Variants in LPP observed in about 807,000 individuals in gnomAD.
The protein encoded by LPP is lipoma-preferred partner.
LPP carries 38 observed loss-of-function variants against 60.4 expected under a neutral mutation model. The ratio of observed to expected loss-of-function variants is 0.63; its 90% CI spans 0.49 to 0.83. The LOEUF (loss-of-function observed/expected upper bound fraction) is 0.83, where lower values mean the gene tolerates loss of function less well. LPP is among the 40% of genes least tolerant of loss of function. The pLI is 0.00. For missense variants in LPP, 902 were observed against 783.6 expected (o/e 1.15, Z -1.80); for synonymous variants, 328 against 290.8 (o/e 1.13, Z -1.30).
At chr3:188,847,837 T>G (rs1372801058) in intron 9 of LPP, among the ~76,000 whole-genome samples, 3 of 152,204 alleles carry the variant, frequency 2.0e-5, no homozygotes, top group African/African-American at 7.2e-5. Flanking sequence ...TAATGTTATT[T>G]AATAGAATGC....
chr3:188,639,388 T>C (rs1194284639), intron 7 of LPP, among the ~76,000 whole-genome samples: 55 of 151,166 alleles, frequency 3.6e-4, no homozygotes, highest in Admixed American at 6.6e-4. Flanking sequence ...AAGACTTAAA[T>C]GTTAGACCTA....
At chr3:188,637,584 T>C (rs1275431194) in intron 7 of LPP, among the ~76,000 whole-genome samples, 1 of 151,292 alleles carries the variant, frequency 6.6e-6, no homozygotes, top group Non-Finnish European at 1.5e-5. Flanking sequence ...AGCTGGTTTT[T>C]TGAAAGGATC....
intron 5 of LPP, among the ~76,000 whole-genome samples, chr3:188,505,519 T>G (rs1381670114): frequency 6.6e-6 from 1 of 152,212 alleles, no homozygotes; most frequent in Non-Finnish European, 1.5e-5. Context: ...TTGACAAGTT[T>G]TGTTTCATTT....
At chr3:188,800,506 A>T (rs758780249) in intron 9 of LPP, among the ~76,000 whole-genome samples, 45 of 152,046 alleles carry the variant, frequency 3.0e-4, no homozygotes, top group Non-Finnish European at 5.6e-4. Flanking sequence ...TGGCCTCCCA[A>T]AGTGCTGGGA....
At chr3:188,512,906 G>A (rs1816229186) in intron 5 of LPP, among the ~76,000 whole-genome samples, 1 of 152,102 alleles carries the variant, frequency 6.6e-6, no homozygotes, top group Non-Finnish European at 1.5e-5. Flanking sequence ...CTTCCTTGAG[G>A]TTTTAAAAAA....
chr3:188,329,206 GAA>G (rs1309693302), intron 2 of LPP, among the ~76,000 whole-genome samples: 2 of 152,164 alleles, frequency 1.3e-5, no homozygotes, highest in Non-Finnish European at 2.9e-5. Flanking sequence ...GAGAGTGGTG[GAA>G]AGATGTGTCT....
chr3:188,392,520 T>A (rs1435997316), intron 3 of LPP, among the ~76,000 whole-genome samples: 1 of 152,192 alleles, frequency 6.6e-6, no homozygotes, highest in African/African-American at 2.4e-5. Context: ...GGTTTCTTTA[T>A]AACAAACTAA....
chr3:188,806,426 T>C (rs1278105339), intron 9 of LPP, among the ~76,000 whole-genome samples: 3 of 151,868 alleles, frequency 2.0e-5, no homozygotes, highest in Non-Finnish European at 4.4e-5. Flanking sequence ...AGCCTTTTGT[T>C]TTTAGTCTAT....
At chr3:188,844,316 A>T (rs1054819858) in intron 9 of LPP, among the ~76,000 whole-genome samples, 4 of 152,184 alleles carry the variant, frequency 2.6e-5, no homozygotes, top group Middle Eastern at 3.2e-3. Flanking sequence ...TTCATGTGGC[A>T]ATGTCTGTTT....
intron 6 of LPP, among the ~76,000 whole-genome samples, chr3:188,564,126 A>G (rs531906675): frequency 6.6e-6 from 1 of 152,158 alleles, no homozygotes; most frequent in East Asian, 1.9e-4. Flanking sequence ...TTTTGTTAAG[A>G]AACAAGTGTT....
intron 1 of LPP, among the ~76,000 whole-genome samples, chr3:188,207,212 CT>C (rs5855184): frequency 0.37 from 48,355 of 129,190 alleles, 8,819 homozygotes; most frequent in Non-Finnish European, 0.47. Flanking sequence ...TACACATTTT[CT>C]TTTTTTTTTT....
At chr3:188,855,674 G>A (rs1040463988) in intron 9 of LPP, among the ~76,000 whole-genome samples, 1 of 152,160 alleles carries the variant, frequency 6.6e-6, no homozygotes, top group Non-Finnish European at 1.5e-5. Flanking sequence ...TGGAAACTGA[G>A]GGTGATGCTT....
chr3:188,563,460 A>ATG (rs59514913), intron 6 of LPP, among the ~76,000 whole-genome samples: 158 of 142,034 alleles, frequency 1.1e-3, no homozygotes, highest in African/African-American at 4.1e-3. Flanking sequence ...TTACATATAT[A>ATG]TGTGTGTGTG....
rs370662787 is a variant in LPP, at chr3:188,352,775, A to G, written c.-10+11056A>G. On this transcript the variant is annotated intron_variant, in intron 3 of 11. Coordinates refer to ENST00000617246, the MANE Select transcript of LPP (RefSeq NM_001375462.1). This position sits in a 1 kb window ranked among gnomAD's most constrained non-coding sequence, Gnocchi z 4.4. ...AAAGCTGCAGAGGGATGGGCTGGTG[A>G]CACTGCCGTGCCTAGGAGTGGGCAG... 2.6e-5 allele frequency among the ~76,000 whole-genome samples: 4 copies of G among 152,258 alleles called. No individual in the cohort carries two copies. Among genetic ancestry groups the G allele is most frequent in the African/African-American group, 9.6e-5 (4 of 41,536 alleles).
intron 1 of LPP, among the ~76,000 whole-genome samples, chr3:188,160,687 A>G (rs1010330642): frequency 4.6e-5 from 7 of 152,178 alleles, no homozygotes; most frequent in African/African-American, 7.2e-5. Flanking sequence ...ACTCAATTTC[A>G]TGTATTGAGT....
At chr3:188,428,940 T>C (rs1049733114) in intron 4 of LPP, among the ~76,000 whole-genome samples, 15 of 152,304 alleles carry the variant, frequency 9.8e-5, no homozygotes, top group Admixed American at 8.5e-4. Flanking sequence ...GTCTTTATAA[T>C]TGTGACTCAA....
intron 9 of LPP, among the ~76,000 whole-genome samples, chr3:188,861,713 TGTATCTCTGACTTAAAAACGTTGCATTTG>T (rs1367622093): frequency 6.6e-6 from 1 of 152,198 alleles, no homozygotes; most frequent in African/African-American, 2.4e-5. Context: ...ACTACCCCAT[TGTATCTCTGACTTAAAAACGTTGCATTTG>T]GGGGTTTTCT....
intron 6 of LPP, among the ~76,000 whole-genome samples, chr3:188,574,110 A>C (rs1437530191): frequency 6.6e-6 from 1 of 152,100 alleles, no homozygotes; most frequent in East Asian, 1.9e-4. Context: ...CCAGGCCAAG[A>C]AGCAGCTGAG....
At chr3:188,314,736 G>T (rs1013593411) in intron 2 of LPP, among the ~76,000 whole-genome samples, 1 of 152,074 alleles carries the variant, frequency 6.6e-6, no homozygotes, top group African/African-American at 2.4e-5. Flanking sequence ...CAGGAGGATC[G>T]CTTGAACCCG....
Sources: allele counts gnomAD v4.1 joint callset (sites outside exome capture counted in the v4.1 genomes callset), GRCh38; gene constraint gnomAD v4.1.1; non-coding constraint Gnocchi (gnomAD v3.1); transcripts MANE v1.5; gene names NCBI Gene and HGNC (gene_info 2026-07-23, HGNC 2026-07-21).